SNTG1: variants seen among roughly 807,000 people sequenced by gnomAD.
The protein encoded by SNTG1 is gamma-1-syntrophin.
Under a neutral mutation model 74.7 loss-of-function variants are expected in SNTG1, and 39 were observed. The ratio of observed to expected loss-of-function variants is 0.52; its 90% confidence interval spans 0.40 to 0.68. SNTG1 has a LOEUF of 0.68. Among genes scored for constraint, SNTG1 ranks in the 30% least tolerant of loss-of-function variants. The pLI is 0.00. For missense variants in SNTG1, 685 were observed against 609.5 expected, an observed-to-expected ratio of 1.12 and a Z score of -1.30; for synonymous variants, 254 against 217.1, an observed-to-expected ratio of 1.17 and a Z score of -1.49.
chr8:50,173,960 G>T (rs1204948414), intron 2 of SNTG1, among the ~76,000 whole-genome samples: 2 of 152,118 alleles, frequency 1.3e-5, no homozygotes, highest in Non-Finnish European at 2.9e-5. Flanking sequence ...CATGCAGTAG[G>T]TATTTGTCCT....
chr8:50,186,488 C>A (rs1376551432), intron 2 of SNTG1, among the ~76,000 whole-genome samples: 1 of 152,048 alleles, frequency 6.6e-6, no homozygotes, highest in African/African-American at 2.4e-5. Context: ...ACATTCACAC[C>A]AACAGTGTAA....
intron 8 of SNTG1, among the ~76,000 whole-genome samples, chr8:50,496,673 T>C (rs185897840): frequency 3.6e-4 from 55 of 152,296 alleles, no homozygotes; most frequent in African/African-American, 1.2e-3. Flanking sequence ...CACATAAATA[T>C]CTATTTGAAT....
At chr8:49,914,043 A>G (rs1046802557) in intron 1 of SNTG1, among the ~76,000 whole-genome samples, 1 of 152,308 alleles carries the variant, frequency 6.6e-6, no homozygotes, top group African/African-American at 2.4e-5. Flanking sequence ...ATGAAACTGC[A>G]TGGAAACCCT....
intron 13 of SNTG1, among the ~76,000 whole-genome samples, chr8:50,612,155 C>T (rs1326774135): frequency 6.6e-6 from 1 of 152,096 alleles, no homozygotes; most frequent in South Asian, 2.1e-4. Flanking sequence ...AAATTAATGC[C>T]TAATATTGTA....
intron 2 of SNTG1, among the ~76,000 whole-genome samples, chr8:50,240,322 G>A (rs2086109862): frequency 6.6e-6 from 1 of 152,124 alleles, no homozygotes; most frequent in African/African-American, 2.4e-5. Flanking sequence ...TTCAGCAGAA[G>A]GTGACAACAG....
intron 12 of SNTG1, among the ~76,000 whole-genome samples, chr8:50,579,895 TG>T (rs1261073719): frequency 6.6e-6 from 1 of 152,160 alleles, no homozygotes; most frequent in African/African-American, 2.4e-5. Flanking sequence ...AAGAGAAATG[TG>T]GGGTAGGCAC....
At chr8:50,451,107 C>A (rs1477692571) in intron 8 of SNTG1, among the ~76,000 whole-genome samples, 1 of 152,046 alleles carries the variant, frequency 6.6e-6, no homozygotes, top group South Asian at 2.1e-4. Flanking sequence ...TACAGTCATC[C>A]CTCCCTATTC....
chr8:50,722,495 T>A (rs1381958366), intron 17 of SNTG1, among the ~76,000 whole-genome samples: 1 of 152,134 alleles, frequency 6.6e-6, no homozygotes, highest in East Asian at 1.9e-4. Context: ...TAATTCAATG[T>A]GATTGCATTG....
At chr8:50,107,098 A>G (rs2094885469) in intron 1 of SNTG1, among the ~76,000 whole-genome samples, 1 of 152,188 alleles carries the variant, frequency 6.6e-6, no homozygotes, top group South Asian at 2.1e-4. Context: ...GAATTACAGA[A>G]TGTAAAATTT....
chr8:50,131,543 T>G (rs1314411792), intron 1 of SNTG1, among the ~76,000 whole-genome samples: 1 of 152,126 alleles, frequency 6.6e-6, no homozygotes, highest in Non-Finnish European at 1.5e-5. Context: ...TGTACATATG[T>G]GTACACACAC....
intron 2 of SNTG1, among the ~76,000 whole-genome samples, chr8:50,190,407 A>G (rs1021768727): frequency 5.3e-5 from 8 of 152,088 alleles, no homozygotes; most frequent in Non-Finnish European, 8.8e-5. Context: ...TTTTCACTCA[A>G]TGTGCCCAAT....
chr8:50,103,187 C>A, intron 1 of SNTG1, among the ~76,000 whole-genome samples: 1 of 152,192 alleles, frequency 6.6e-6, no homozygotes. Flanking sequence ...TCTTCCTACC[C>A]ATGAGCATGG....
intron 13 of SNTG1, among the ~76,000 whole-genome samples, chr8:50,647,242 C>T (rs2095115036): frequency 6.6e-6 from 1 of 151,988 alleles, no homozygotes; most frequent in South Asian, 2.1e-4. Flanking sequence ...ATCATCTGCT[C>T]TATGAATAAT....
At chr8:50,540,811 T>C (rs2094341207) in intron 11 of SNTG1, among the ~76,000 whole-genome samples, 1 of 152,108 alleles carries the variant, frequency 6.6e-6, no homozygotes, top group African/African-American at 2.4e-5. Context: ...CAGATTTCTA[T>C]TTGTTAATAT....
At position 50,252,055 on chromosome 8, in the gene SNTG1, G is replaced by A. The variant is rs141866862; in HGVS notation, c.-28+79420G>A. ...TATAAAACTAGAAATTAACAAGGAA[G>A]ACTTCAAAAACCTTACAAATACATG... On this transcript the variant is annotated intron_variant, in intron 2 of 18. Transcript: ENST00000642720. 3.5e-4 allele frequency among the ~76,000 whole-genome samples: 53 copies of A among 151,986 alleles called. 1 individual carries two copies. In the East Asian group the frequency reaches 0.01, roughly 29 times the overall value.
intron 17 of SNTG1, among the ~76,000 whole-genome samples, chr8:50,744,339 A>T (rs2095550468): frequency 6.6e-6 from 1 of 152,058 alleles, no homozygotes; most frequent in East Asian, 1.9e-4. Context: ...ATTTACAATA[A>T]CATAAAGAGA....
At chr8:50,141,313 G>A (rs1226141891) in intron 1 of SNTG1, among the ~76,000 whole-genome samples, 2 of 152,196 alleles carry the variant, frequency 1.3e-5, no homozygotes, top group Admixed American at 1.3e-4. Context: ...ACCTGTAAGA[G>A]CTTCAGCTCT....
intron 12 of SNTG1, among the ~76,000 whole-genome samples, chr8:50,577,923 C>T (rs2094586264): frequency 1.3e-5 from 2 of 152,192 alleles, no homozygotes; most frequent in African/African-American, 4.8e-5. Context: ...AAGTCCAGTC[C>T]TCAGTGATAA....
chr8:50,089,734 A>G (rs1477823830), intron 1 of SNTG1, among the ~76,000 whole-genome samples: 1 of 152,124 alleles, frequency 6.6e-6, no homozygotes, highest in Non-Finnish European at 1.5e-5. Flanking sequence ...TTAGAATGGC[A>G]ATCATTAAAA....
Sources: gnomAD v4.1 joint callset for allele counts (sites outside exome capture counted in the v4.1 genomes callset) on GRCh38, gnomAD v4.1.1 for gene constraint, MANE v1.5 for transcripts, NCBI Gene and HGNC (gene_info 2026-07-23, HGNC 2026-07-21) for gene names.